Variants in RNF169 observed in about 807,000 individuals in gnomAD.
RNF169 encodes the protein E3 ubiquitin-protein ligase RNF169.
Under a neutral mutation model 53.9 loss-of-function variants are expected in RNF169, and 24 were observed. The ratio of observed to expected loss-of-function variants is 0.45; its 90% CI spans 0.32 to 0.63. The LOEUF is 0.63. Among genes scored for constraint, RNF169 ranks in the 20% least tolerant of loss-of-function variants. RNF169 has a pLI of 0.04. For synonymous variants in RNF169, 396 were observed against 363.5 expected (o/e 1.09, Z -1.02); for missense variants, 883 against 906.2 (o/e 0.97, Z 0.33).
At chr11:74,813,104 T>C (rs941059351) in intron 3 of RNF169, among the ~76,000 whole-genome samples, 3 of 152,218 alleles carry the variant, frequency 2.0e-5, no homozygotes, top group African/African-American at 7.2e-5. Context: ...GGAGTTCCTC[T>C]TCTGTTTCTC....
At chr11:74,814,293 A>G (rs1300783347) in intron 3 of RNF169, among the ~76,000 whole-genome samples, 2 of 151,538 alleles carry the variant, frequency 1.3e-5, no homozygotes, top group South Asian at 2.1e-4. Flanking sequence ...TCATGCTACT[A>G]TACTCCAGCC....
intron 2 of RNF169, among the ~76,000 whole-genome samples, chr11:74,793,125 C>G (rs1565178682): frequency 6.6e-6 from 1 of 152,152 alleles, no homozygotes; most frequent in South Asian, 2.1e-4. Context: ...GAAGCCAGAT[C>G]TAAGAGATTA....
chr11:74,776,083 G>C (rs904620883), intron 1 of RNF169, among the ~76,000 whole-genome samples: 15 of 152,250 alleles, frequency 9.9e-5, no homozygotes, highest in Admixed American at 3.3e-4. Context: ...TCCCATCTGA[G>C]CACTAAATTC....
At chr11:74,829,057 A>G (rs1472450835) in intron 4 of RNF169, among the ~76,000 whole-genome samples, 1 of 152,336 alleles carries the variant, frequency 6.6e-6, no homozygotes. Flanking sequence ...TGAACAGACA[A>G]CCTATGGAAT....
intron 1 of RNF169, among the ~76,000 whole-genome samples, chr11:74,772,875 A>G (rs1424654976): frequency 1.3e-5 from 2 of 152,196 alleles, no homozygotes; most frequent in Non-Finnish European, 2.9e-5. Context: ...TGTAAAATGT[A>G]TTTCTTACTG....
intron 4 of RNF169, among the ~76,000 whole-genome samples, chr11:74,825,799 T>A: frequency 6.6e-6 from 1 of 152,220 alleles, no homozygotes; most frequent in East Asian, 1.9e-4. Flanking sequence ...AGCTTATCTG[T>A]CATGACCAAG....
intron 1 of RNF169, among the ~76,000 whole-genome samples, chr11:74,774,615 G>A (rs1044567500): frequency 9.9e-5 from 15 of 152,030 alleles, no homozygotes; most frequent in African/African-American, 1.9e-4. Flanking sequence ...AATGTGGTAG[G>A]ACAAAGAAAA....
rs1214253423 is a variant in RNF169, at chr11:74,835,925, G to A, written c.1322G>A (p.Arg441Gln). 5.6e-6 allele frequency: 9 copies of A among 1,614,088 alleles called. No individual in the cohort carries two copies. The highest frequency in any genetic ancestry group is 1.1e-5 in the South Asian group (1 of 91,066). The change falls in exon 6 of 6, where the codon CGG (arginine) becomes CAG (glutamine). Residue 441 changes from arginine to glutamine, a missense_variant. Coordinates refer to ENST00000299563, the MANE Select transcript of RNF169 (RefSeq NM_001098638.2). ...LKKWEQIFQE[R>Q]QIKKTLSKAT... ...AAGTGGGAACAGATCTTTCAGGAGC[G>A]GCAGATCAAAAAGACCCTTTCAAAA... is the stretch of plus-strand genomic sequence containing the variant.
At chr11:74,809,948 G>C (rs118131593) in intron 2 of RNF169, among the ~76,000 whole-genome samples, 3,043 of 152,244 alleles carry the variant, frequency 0.02, 39 homozygotes, top group Non-Finnish European at 0.033. Context: ...TAGCTTTTAT[G>C]ATTTCATATT....
intron 4 of RNF169, among the ~76,000 whole-genome samples, chr11:74,827,183 T>A (rs926990217): frequency 1.3e-5 from 2 of 152,188 alleles, no homozygotes; most frequent in Admixed American, 1.3e-4. Flanking sequence ...TTTCTTCACT[T>A]CTGTGCACCT....
intron 1 of RNF169, among the ~76,000 whole-genome samples, chr11:74,766,010 C>G (rs2035169113): frequency 6.6e-6 from 1 of 151,906 alleles, no homozygotes; most frequent in Non-Finnish European, 1.5e-5. Flanking sequence ...ATAACCCTAA[C>G]CTCTGGCAAG....
chr11:74,803,539 C>G (rs1052873828), intron 2 of RNF169, among the ~76,000 whole-genome samples: 1 of 152,126 alleles, frequency 6.6e-6, no homozygotes, highest in African/African-American at 2.4e-5. Flanking sequence ...ATCTTAAGTA[C>G]TAACAGGGAA....
At chr11:74,752,223 T>G (rs1179601180) in intron 1 of RNF169, among the ~76,000 whole-genome samples, 2 of 107,934 alleles carry the variant, frequency 1.9e-5, no homozygotes. Flanking sequence ...AGAGGGAGAC[T>G]GTCTTAAAAA....
intron 3 of RNF169, among the ~76,000 whole-genome samples, chr11:74,815,942 A>T (rs1290122935): frequency 6.6e-6 from 1 of 152,218 alleles, no homozygotes; most frequent in Admixed American, 6.5e-5. Context: ...TGAGAAGAGA[A>T]TATTATATAA....
At chr11:74,785,405 T>C (rs1486820190) in intron 1 of RNF169, among the ~76,000 whole-genome samples, 1 of 149,796 alleles carries the variant, frequency 6.7e-6, no homozygotes, top group Non-Finnish European at 1.5e-5. Flanking sequence ...AGAGCAGGTA[T>C]CTGAACCTAA....
At chr11:74,789,529 T>G (rs2035551695) in intron 1 of RNF169, 97 bp from the exon 2 acceptor site, 1 of 711,164 alleles carries the variant, frequency 1.4e-6, no homozygotes, top group African/African-American at 1.8e-5. Context: ...TAGCTTTGAT[T>G]TTTATCATCT....
chr11:74,811,386 C>A (rs2035873643), intron 3 of RNF169, among the ~76,000 whole-genome samples: 1 of 152,104 alleles, frequency 6.6e-6, no homozygotes, highest in African/African-American at 2.4e-5. Context: ...GGACTACAGG[C>A]TTGTGCCACT....
At chr11:74,804,526 C>T (rs751443945) in intron 2 of RNF169, among the ~76,000 whole-genome samples, 26 of 152,076 alleles carry the variant, frequency 1.7e-4, no homozygotes, top group African/African-American at 5.1e-4. Flanking sequence ...TTTAACCCAC[C>T]GCCACTGCAA....
Position 74,826,225 on chromosome 11 carries a change from C to T in RNF169, c.843-8451C>T, listed in dbSNP as rs574696043. 7.9e-4 allele frequency among the ~76,000 whole-genome samples: 121 copies of T among 152,306 alleles called. 2 individuals carry two copies. In the Middle Eastern group the frequency reaches 0.017, roughly 21 times the overall value. On this transcript the variant is annotated intron_variant, in intron 4 of 5. Coordinates refer to ENST00000299563, the MANE Select transcript of RNF169 (RefSeq NM_001098638.2). ...CCTGTAATCCCAGCTACTCCAGAGG[C>T]TGAGACATGAGAATCGCTTGAACCT...
Sources: allele counts gnomAD v4.1 joint callset (sites outside exome capture counted in the v4.1 genomes callset), GRCh38; gene constraint gnomAD v4.1.1; transcripts MANE v1.5; gene names NCBI Gene and HGNC (gene_info 2026-07-23, HGNC 2026-07-21).